Variants in PLCB4 observed in about 807,000 individuals in gnomAD.
PLCB4 encodes phospholipase C beta 4.
Under a neutral mutation model 178.8 loss-of-function variants are expected in PLCB4, and 77 were observed. The ratio of observed to expected loss-of-function variants is 0.43; its 90% CI spans 0.36 to 0.52. The LOEUF is 0.52. Among genes scored for constraint, PLCB4 ranks in the 20% least tolerant of loss-of-function variants. PLCB4 has a pLI of 0.00. For synonymous variants in PLCB4, 496 were observed against 490.8 expected, an observed-to-expected ratio of 1.01 and a Z score of -0.14; for missense variants, 1,024 against 1,453.4, an observed-to-expected ratio of 0.70 and a Z score of 4.80.
chr20:9,106,999 T>C (rs762840293), intron 2 of PLCB4, among the ~76,000 whole-genome samples: 1 of 152,196 alleles, frequency 6.6e-6, no homozygotes, highest in African/African-American at 2.4e-5. Context: ...TTTTTCATTA[T>C]AGAAAATTTC....
intron 2 of PLCB4, among the ~76,000 whole-genome samples, chr20:9,145,903 T>C (rs1317189652): frequency 6.6e-6 from 1 of 152,032 alleles, no homozygotes; most frequent in Admixed American, 6.6e-5. Flanking sequence ...AACTGATACA[T>C]AAAGGGCAAA....
At chr20:9,339,111 A>G (rs774054072) in intron 7 of PLCB4, 74 bp downstream of exon 7, 70 of 1,034,966 alleles carry the variant, frequency 6.8e-5, no homozygotes, top group Non-Finnish European at 8.3e-5. Context: ...TATGCGTGCT[A>G]TATTTTTATA....
chr20:9,071,466 G>A (rs2089570222), intron 1 of PLCB4, among the ~76,000 whole-genome samples: 1 of 152,116 alleles, frequency 6.6e-6, no homozygotes, highest in Non-Finnish European at 1.5e-5. Context: ...GAGCTTCAGG[G>A]CTGCTGTGCT....
At chr20:9,129,276 C>A (rs572877550) in intron 2 of PLCB4, among the ~76,000 whole-genome samples, 2 of 152,210 alleles carry the variant, frequency 1.3e-5, no homozygotes, top group East Asian at 1.9e-4. Flanking sequence ...AAAGTCAGTC[C>A]CCCTCCCACC....
intron 3 of PLCB4, among the ~76,000 whole-genome samples, chr20:9,305,656 C>G (rs1004712802): frequency 6.6e-6 from 1 of 152,044 alleles, no homozygotes; most frequent in Non-Finnish European, 1.5e-5. Flanking sequence ...TTTCCCCTGA[C>G]AGAGTATATA....
At chr20:9,348,315 T>A (rs1174160036) in intron 7 of PLCB4, among the ~76,000 whole-genome samples, 1 of 152,184 alleles carries the variant, frequency 6.6e-6, no homozygotes, top group African/African-American at 2.4e-5. Flanking sequence ...CAGTGTGGAA[T>A]CCAGAGGTTT....
intron 3 of PLCB4, among the ~76,000 whole-genome samples, chr20:9,238,090 G>C (rs913153329): frequency 1.3e-5 from 2 of 152,104 alleles, no homozygotes; most frequent in African/African-American, 4.8e-5. Context: ...GACACCACTG[G>C]GGAGGCTCTG....
Position 9,453,402 on chromosome 20 carries a change from A to G in PLCB4, c.2936A>G (p.Gln979Arg), listed in dbSNP as rs141568926. Residue 979 changes from glutamine (Q) to arginine (R), a missense_variant, in exon 33 of 40, where the codon CAG becomes CGG. This residue lies in a region of PLCB4 where 264 missense variants were observed against 283.2 expected (regional missense o/e 0.93). Coordinates refer to ENST00000378473, the MANE Select transcript of PLCB4 (RefSeq NM_001377142.1). ...ACGCAAGTTGACAAAATTGTGGCAC[A>G]GTATGACAAAGAGAAGTCGACTCAT... is the stretch of plus-strand genomic sequence containing the variant. ...HCTQVDKIVA[Q>R]YDKEKSTHEK... 8.9e-4 allele frequency: 1,433 copies of G among 1,613,046 alleles called. No individual in the cohort carries two copies. Among genetic ancestry groups the G allele is most frequent in the Non-Finnish European group, 1.1e-3 (1,322 of 1,179,452 alleles).
intron 3 of PLCB4, among the ~76,000 whole-genome samples, chr20:9,241,315 C>T (rs750334861): frequency 1.3e-5 from 2 of 151,866 alleles, no homozygotes; most frequent in Non-Finnish European, 2.9e-5. Context: ...AAGCTGAAAT[C>T]AGCAAATCTG....
chr20:9,375,880 T>G (rs1166004249), intron 12 of PLCB4, among the ~76,000 whole-genome samples: 2 of 152,102 alleles, frequency 1.3e-5, no homozygotes, highest in Admixed American at 6.6e-5. Context: ...GTAGAATAGA[T>G]AGTAGGAAAA....
At chr20:9,355,837 G>A (rs1421209447) in intron 7 of PLCB4, among the ~76,000 whole-genome samples, 1 of 152,090 alleles carries the variant, frequency 6.6e-6, no homozygotes, top group African/African-American at 2.4e-5. Context: ...GGGTCAAATG[G>A]TATTTCTAGT....
At chr20:9,303,060 T>A (rs1185985505) in intron 3 of PLCB4, among the ~76,000 whole-genome samples, 1 of 152,092 alleles carries the variant, frequency 6.6e-6, no homozygotes, top group Non-Finnish European at 1.5e-5. Flanking sequence ...TGTTGTTTTT[T>A]AATCTATTTT....
intron 2 of PLCB4, among the ~76,000 whole-genome samples, chr20:9,174,744 GAT>G (rs2093125829): frequency 6.6e-6 from 1 of 152,106 alleles, no homozygotes; most frequent in Non-Finnish European, 1.5e-5. Flanking sequence ...ACTGGAAAAT[GAT>G]ATACATTTTG....
At chr20:9,155,895 T>A (rs2092779668) in intron 2 of PLCB4, among the ~76,000 whole-genome samples, 1 of 152,094 alleles carries the variant, frequency 6.6e-6, no homozygotes, top group South Asian at 2.1e-4. Flanking sequence ...TGTGTGTGCC[T>A]CCAGAACACA....
At chr20:9,234,168 G>C (rs1013944806) in intron 3 of PLCB4, among the ~76,000 whole-genome samples, 1 of 152,122 alleles carries the variant, frequency 6.6e-6, no homozygotes, top group African/African-American at 2.4e-5. Context: ...TTGAACAATA[G>C]GTAGGAAATT....
chr20:9,366,939 T>TTCAGA (rs1339336344), intron 9 of PLCB4, among the ~76,000 whole-genome samples: 8 of 152,224 alleles, frequency 5.3e-5, no homozygotes, highest in African/African-American at 1.7e-4. Flanking sequence ...TGATCTGTCT[T>TTCAGA]TCAGAAATAA....
chr20:9,419,776 C>G (rs1005442058), intron 25 of PLCB4, 31 bp from the exon 26 acceptor site: 1 of 1,346,610 alleles, frequency 7.4e-7, no homozygotes, highest in Non-Finnish European at 1.1e-6. Context: ...GTAAAACCTA[C>G]TAATAAACTT....
chr20:9,274,593 A>G (rs572304081), intron 3 of PLCB4, among the ~76,000 whole-genome samples: 1 of 152,106 alleles, frequency 6.6e-6, no homozygotes, highest in Non-Finnish European at 1.5e-5. Flanking sequence ...ATAATGGCAA[A>G]TTCTATTCTT....
chr20:9,459,205 A>G (rs1004982829), intron 34 of PLCB4, among the ~76,000 whole-genome samples: 1 of 152,110 alleles, frequency 6.6e-6, no homozygotes, highest in African/African-American at 2.4e-5. Context: ...TTAGCTGGGC[A>G]TGGTGGCACG....
Sources: gnomAD v4.1 joint callset for allele counts (sites outside exome capture counted in the v4.1 genomes callset) on GRCh38, gnomAD v4.1.1 for gene constraint, gnomAD v4.1.1 regional missense constraint, MANE v1.5 for transcripts, NCBI Gene and HGNC (gene_info 2026-07-23, HGNC 2026-07-21) for gene names.